The following INPP5E variants were observed in gnomAD, a reference collection of about 807,000 sequenced individuals.
INPP5E encodes inositol polyphosphate-5-phosphatase E.
In INPP5E, 34 loss-of-function variants were observed where a neutral mutation model predicts 50.5. That is an observed-to-expected ratio of 0.67 (90% confidence interval 0.51 to 0.90). The LOEUF (loss-of-function observed/expected upper bound fraction) is 0.90, where lower values mean the gene tolerates loss of function less well. Ranked by LOEUF, INPP5E falls within the 40% of genes least tolerant of loss-of-function variation. The probability of loss-of-function intolerance (pLI) is 0.00; values close to 1 mark genes in which losing one functional copy is unlikely to be tolerated. For synonymous variants in INPP5E, 447 were observed against 406.0 expected, an observed-to-expected ratio of 1.10 and a Z score of -1.21; for missense variants, 942 against 905.5, an observed-to-expected ratio of 1.04 and a Z score of -0.52.
chr9:136,429,699 G>C lies in INPP5E; in HGVS notation c.1911C>G (p.Ser637=), dbSNP rs1835653593. 6.2e-7 allele frequency: 1 copy of C among 1,613,992 alleles called. No individual in the cohort carries two copies. The change falls in exon 10 of 10, where the codon TCC becomes TCG. Residue 637 remains serine (S), a synonymous_variant. Coordinates refer to ENST00000371712, the MANE Select transcript of INPP5E (RefSeq NM_019892.6). ...QRQQALQSQN[S]STICSVS Reference sequence around the variant, plus strand: ...TTCAAGAAACGGAGCAGATGGTGCTGGAGTTCTGACTCTGTAGTGCTTGCT... The same window carrying C: ...TTCAAGAAACGGAGCAGATGGTGCTCGAGTTCTGACTCTGTAGTGCTTGCT...
Position 136,433,029 on chromosome 9 carries a change from C to T in INPP5E, c.1206G>A (p.Lys402=), listed in dbSNP as rs1835747014. The change falls in exon 5 of 10, where the codon AAG becomes AAA. Residue 402 remains lysine (K), a synonymous_variant. Transcript: ENST00000371712. The part of the protein sequence containing the change: ...TVTTRIVSQI[K]TKGALGISFT... ...AGCTGATGCCCAAGGCCCCCTTGGT[C>T]TTGATCTGAGACACGATGCGTGTGG... 2.5e-6 allele frequency: 4 copies of T among 1,613,422 alleles called. No homozygotes were observed. Among genetic ancestry groups the T allele is most frequent in the Middle Eastern group, 3.3e-4 (2 of 6,060 alleles).
chr9:136,431,207 G>GCC, intron 7 of INPP5E, 90 bp from the exon 8 acceptor site: 1 of 683,530 alleles, frequency 1.5e-6, no homozygotes, highest in Non-Finnish European at 2.4e-6. Flanking sequence ...CTCCCACCAC[G>GCC]CCCACCCTCC....
chr9:136,430,283 C>G lies in INPP5E; in HGVS notation c.1796G>C (p.Arg599Pro), dbSNP rs750836133. The G allele has an allele frequency of 6.4e-7, 1 of 1,551,392 alleles. No homozygotes were observed. The highest frequency in any genetic ancestry group is 2.4e-5 in the East Asian group (1 of 40,926). The change falls in exon 9 of 10, where the codon CGA becomes CCA. Residue 599 changes from arginine (R) to proline (P), a missense_variant. Arg to Pro is a moderately radical substitution (Grantham distance 103). Coordinates refer to ENST00000371712, the MANE Select transcript of INPP5E (RefSeq NM_019892.6). ...TGAGCGGGAGAACACTGACTTGTCT[C>G]GCCCCGGCCTCACTTTCACCCGGAA... ...GLFRVKVRPG[R>P]DNIPLAAGKF...
intron 5 of INPP5E, 78 bp downstream of exon 5, chr9:136,432,878 C>T: frequency 3.2e-6 from 5 of 1,556,858 alleles, no homozygotes; most frequent in Non-Finnish European, 4.4e-6. Flanking sequence ...GTCAGGACCC[C>T]TGCCTTGGAC....
chr9:136,438,787 C>T lies in INPP5E; in HGVS notation c.633G>A (p.Lys211=). The T allele has an allele frequency of 6.2e-7, 1 of 1,612,236 alleles. No individual in the cohort carries two copies. The highest frequency in any genetic ancestry group is 2.2e-5 in the East Asian group (1 of 44,854). The change falls in exon 1 of 10, where the codon AAG becomes AAA. Residue 211 remains lysine (K), a synonymous_variant. Transcript: ENST00000371712. Reference sequence around the variant, plus strand: ...TGTAGTCTGCAAGATCCGAGTCGACCTTGTTTGCTGTCCTCAGGGAGTCGG... The same window carrying T: ...TGTAGTCTGCAAGATCCGAGTCGACTTTGTTTGCTGTCCTCAGGGAGTCGG... The part of the protein sequence containing the change: ...IASDSLRTAN[K]VDSDLADYKL...
Position 136,435,004 on chromosome 9 carries a change from C to G in INPP5E, c.813-141G>C, listed in dbSNP as rs76470602. On this transcript the variant is annotated intron_variant, in intron 1 of 9. Transcript: ENST00000371712. ...CCCAAGCAAGGACTCTCCTGGCCCC[C>G]GCGGCACTGCTGTCTGCTCTCCAGG... 5,813 of 1,020,428 alleles carry G rather than the reference C, an allele frequency of 5.7e-3. 246 individuals carry two copies. The African/African-American group carries it at 0.078, about 14-fold the overall frequency. 63.2% of individuals were successfully genotyped at this position (1,020,428 alleles called of 1,614,324 possible). A position where few individuals can be genotyped will look rare whatever the true frequency, so the allele number is the denominator to read the frequency against.
chr9:136,429,528 G>A lies in INPP5E; in HGVS notation c.*147C>T. On this transcript the variant is annotated 3_prime_UTR_variant, in exon 10 of 10. Coordinates refer to ENST00000371712, the MANE Select transcript of INPP5E (RefSeq NM_019892.6). The stretch of plus-strand genomic sequence containing the variant: ...ACAGAGGACAGGCTCGCTCAGGGTT[G>A]GCTTCCTTCCTGGGACGCTGGCACA... The A allele has an allele frequency of 9.5e-7, 1 of 1,055,158 alleles. No homozygotes were observed. The highest frequency in any genetic ancestry group is 1.5e-6 in the Non-Finnish European group (1 of 686,440). The allele number at this position is 1,055,158 out of a possible 1,614,324, so 65.4% of individuals were successfully genotyped here.
At chr9:136,432,684 C>A in intron 5 of INPP5E, 98 bp from the exon 6 acceptor site, 1 of 961,234 alleles carries the variant, frequency 1.0e-6, no homozygotes, top group Non-Finnish European at 1.6e-6. Flanking sequence ...TGCGCACCCC[C>A]GGCAGACGCA....
intron 1 of INPP5E, chr9:136,437,534 G>A (rs1167121401): frequency 6.6e-6 from 1 of 152,494 alleles, no homozygotes; most frequent in Non-Finnish European, 1.5e-5. Context: ...GCAGCGGGAG[G>A]ACCCTCCCCT....
rs996846795 is a variant in INPP5E, at chr9:136,428,976, T to C, written c.*699A>G. The C allele has an allele frequency of 5.8e-5, 9 of 154,376 alleles. No individual in the cohort carries two copies. Among genetic ancestry groups the C allele is most frequent in the Admixed American group, 4.4e-4 (7 of 15,768 alleles). The allele number at this position is 154,376 out of a possible 1,614,324, so 9.6% of individuals were successfully genotyped here. On this transcript the variant is annotated 3_prime_UTR_variant, in exon 10 of 10. Transcript: ENST00000371712. ...TACGTCACCAAGACCATGAGATGGTTTCACACAATAGGCTTGGCCTATGAG... is the reference window on the plus strand; with the variant it reads ...TACGTCACCAAGACCATGAGATGGTCTCACACAATAGGCTTGGCCTATGAG...
At chr9:136,429,888 G>A in intron 9 of INPP5E, 81 bp from the exon 10 acceptor site, 3 of 1,060,350 alleles carry the variant, frequency 2.8e-6, no homozygotes, top group South Asian at 2.5e-5. Flanking sequence ...CCCGGAGGAG[G>A]GGGCATTTAA....
Position 136,434,040 on chromosome 9 carries a change from T to C in INPP5E, c.1031A>G (p.Asp344Gly). 1.2e-6 allele frequency: 2 copies of C among 1,606,568 alleles called. No homozygotes were observed. The highest frequency in any genetic ancestry group is 1.1e-5 in the South Asian group (1 of 89,950). ...GCAGGGCCTGCAGCCGCCCTACCTG[T>C]CAGAACAGCCCTCCTGGACCCCGAT... ...YVIGVQEGCS[D>G]RREWETRLQE... is the part of the protein sequence containing the mutation. Residue 344 changes from aspartate to glycine, a missense_variant, in exon 3 of 10, where the codon GAC becomes GGC. Physicochemically the swap from Asp to Gly is moderately conservative, Grantham distance 94. Coordinates refer to ENST00000371712, the MANE Select transcript of INPP5E (RefSeq NM_019892.6).
At chr9:136,430,553 G>T in intron 8 of INPP5E, 140 bp from the exon 9 acceptor site, 1 of 1,076,138 alleles carries the variant, frequency 9.3e-7, no homozygotes, top group Non-Finnish European at 1.4e-6. Context: ...CCATTTTGTT[G>T]CCTGGCGTCT....
chr9:136,437,472 C>T (rs1424082030), intron 1 of INPP5E: 4 of 152,506 alleles, frequency 2.6e-5, no homozygotes, highest in African/African-American at 9.6e-5. Flanking sequence ...GAGGCAGAGA[C>T]TGGAGCATGC....
rs1269676915 is a variant in INPP5E, at chr9:136,439,607, C to T, written c.-188G>A. ...GGCCCGGGCCCCGAGTCCCGCCAGC[C>T]CCTCGGGGCTCCCAGACGCCGTTCC... On this transcript the variant is annotated 5_prime_UTR_variant, in exon 1 of 10. Coordinates refer to ENST00000371712, the MANE Select transcript of INPP5E (RefSeq NM_019892.6). 1.6e-5 allele frequency: 6 copies of T among 383,876 alleles called. No individual in the cohort carries two copies. The Admixed American group carries it at 1.9e-4, about 12-fold the overall frequency. 23.8% of individuals were successfully genotyped at this position (383,876 alleles called of 1,614,324 possible). A position where few individuals can be genotyped will look rare whatever the true frequency, so the allele number is the denominator to read the frequency against.
chr9:136,432,453 C>A, intron 6 of INPP5E, 26 bp downstream of exon 6: 1 of 1,458,102 alleles, frequency 6.9e-7, no homozygotes, highest in South Asian at 1.2e-5. Flanking sequence ...GGCGGCACCA[C>A]CCACACGCAG....
At chr9:136,437,815 G>C (rs951930499) in intron 1 of INPP5E, 1 of 152,490 alleles carries the variant, frequency 6.6e-6, no homozygotes, top group Admixed American at 6.5e-5. Flanking sequence ...CCAAGTCATA[G>C]TGGGAGCATC....
At position 136,439,769 on chromosome 9, in the gene INPP5E, A is replaced by G. The variant is rs1835963282; in HGVS notation, c.-350T>C. 4 of 192,854 alleles carry G rather than the reference A, an allele frequency of 2.1e-5. No individual in the cohort carries two copies. Among genetic ancestry groups the G allele is most frequent in the Non-Finnish European group, 4.2e-5 (4 of 95,322 alleles). 11.9% of individuals were successfully genotyped at this position (192,854 alleles called of 1,614,324 possible). A position where few individuals can be genotyped will look rare whatever the true frequency, so the allele number is the denominator to read the frequency against. On this transcript the variant is annotated 5_prime_UTR_variant, in exon 1 of 10. Coordinates refer to ENST00000371712, the MANE Select transcript of INPP5E (RefSeq NM_019892.6). ...CCCTGGCTGGGCTCGCAGACTCCGA[A>G]GTCGACCCGGTACTCGCGGAGGCCC... is the stretch of plus-strand genomic sequence containing the variant.
At chr9:136,434,003 T>TG in intron 3 of INPP5E, 34 bp downstream of exon 3, 2 of 1,528,212 alleles carry the variant, frequency 1.3e-6, no homozygotes, top group Non-Finnish European at 1.8e-6. Context: ...CGGCAGCCCC[T>TG]GGGCAGGCAC....
Sources: allele counts gnomAD v4.1 joint callset, GRCh38; gene constraint gnomAD v4.1.1; transcripts MANE v1.5; gene names NCBI Gene and HGNC (gene_info 2026-07-23, HGNC 2026-07-21).